Variants in ASIC2 observed in about 807,000 individuals in gnomAD.
The protein encoded by ASIC2 is acid sensing ion channel subunit 2.
Under a neutral mutation model 57.3 loss-of-function variants are expected in ASIC2, and 25 were observed. The observed-to-expected ratio is 0.44, with a 90% CI of 0.32 to 0.61. The LOEUF (loss-of-function observed/expected upper bound fraction) is 0.61. Ranked by LOEUF, ASIC2 falls within the 20% of genes least tolerant of loss-of-function variation. ASIC2 has a pLI of 0.06. For missense variants in ASIC2, 641 were observed against 738.1 expected, an observed-to-expected ratio of 0.87 and a Z score of 1.52; for synonymous variants, 319 against 307.5, an observed-to-expected ratio of 1.04 and a Z score of -0.39.
chr17:33,844,578 C>T (rs1209527126), intron 1 of ASIC2, among the ~76,000 whole-genome samples: 4 of 152,272 alleles, frequency 2.6e-5, no homozygotes, highest in Admixed American at 2.6e-4. Context: ...GTCAGGTGAG[C>T]ATATGAAAAC....
chr17:34,043,432 C>T (rs1428816352), intron 1 of ASIC2, among the ~76,000 whole-genome samples: 2 of 152,150 alleles, frequency 1.3e-5, no homozygotes, highest in Non-Finnish European at 2.9e-5. Context: ...CAAAAGAGGT[C>T]TAAGGCTGTG....
chr17:33,785,672 G>C lies in ASIC2; in HGVS notation c.555+370306C>G, dbSNP rs149135979. ...CTAGTCACATGTGATTTTGAAAGTG[G>C]TACTTGAGTCATCAATATTCTCACT... On this transcript the variant is annotated intron_variant, in intron 1 of 9. Coordinates refer to the ASIC2 transcript ENST00000359872. Among the ~76,000 whole-genome samples the C allele has an allele frequency of 4.9e-4, 75 of 152,230 alleles. 2 individuals carry two copies. In the East Asian group the frequency reaches 0.014, roughly 28 times the overall value.
intron 1 of ASIC2, among the ~76,000 whole-genome samples, chr17:33,628,559 G>A (rs1315346523): frequency 1.3e-5 from 2 of 152,074 alleles, no homozygotes; most frequent in East Asian, 1.9e-4. Context: ...ACCTCCCAAG[G>A]TATGAGGGTT....
chr17:33,201,236 G>A (rs1371616780), intron 1 of ASIC2, among the ~76,000 whole-genome samples: 1 of 152,198 alleles, frequency 6.6e-6, no homozygotes, highest in African/African-American at 2.4e-5. Context: ...TGTGTCCTCT[G>A]TTCCTACAGC....
intron 1 of ASIC2, among the ~76,000 whole-genome samples, chr17:33,995,726 TACC>T (rs1341201591): frequency 6.6e-6 from 1 of 152,048 alleles, no homozygotes; most frequent in Admixed American, 6.6e-5. Context: ...ATAAATAAAA[TACC>T]ACATTTTCTT....
intron 1 of ASIC2, among the ~76,000 whole-genome samples, chr17:33,203,207 C>T (rs1030471872): frequency 6.6e-6 from 1 of 152,220 alleles, no homozygotes; most frequent in African/African-American, 2.4e-5. Context: ...TCAGAAGCAG[C>T]CCGAAGGCAG....
chr17:33,553,370 C>T (rs947869529), intron 1 of ASIC2, among the ~76,000 whole-genome samples: 3 of 120,050 alleles, frequency 2.5e-5, no homozygotes, highest in Non-Finnish European at 5.0e-5. Flanking sequence ...GACCCCAAGA[C>T]AACAGGTGTC....
At chr17:34,033,421 T>C (rs1052212481) in intron 1 of ASIC2, among the ~76,000 whole-genome samples, 11 of 151,792 alleles carry the variant, frequency 7.2e-5, no homozygotes, top group East Asian at 1.9e-4. Context: ...AGGAAAGATA[T>C]AAAATTGACA....
chr17:33,036,003 A>C (rs2091907325), intron 3 of ASIC2, among the ~76,000 whole-genome samples: 1 of 152,182 alleles, frequency 6.6e-6, no homozygotes, highest in Non-Finnish European at 1.5e-5. Flanking sequence ...TCAAGGGAGA[A>C]CTCAGGTAAA....
chr17:33,943,702 A>AG (rs201230574), intron 1 of ASIC2, among the ~76,000 whole-genome samples: 1,857 of 151,948 alleles, frequency 0.012, 46 homozygotes, highest in African/African-American at 0.043. Context: ...TAAAAAAAAA[A>AG]AAAAAAAAAA....
intron 1 of ASIC2, among the ~76,000 whole-genome samples, chr17:33,896,224 C>G (rs1915092104): frequency 6.6e-6 from 1 of 152,248 alleles, no homozygotes; most frequent in Non-Finnish European, 1.5e-5. Flanking sequence ...AGCCTGACTT[C>G]AGGCCAAGGA....
At chr17:33,369,773 C>T (rs569357211) in intron 1 of ASIC2, among the ~76,000 whole-genome samples, 34 of 152,270 alleles carry the variant, frequency 2.2e-4, no homozygotes, top group African/African-American at 7.9e-4. Flanking sequence ...AATATTCTTT[C>T]CATTAGAGCA....
At chr17:33,771,211 G>A (rs774424678) in intron 1 of ASIC2, among the ~76,000 whole-genome samples, 7 of 152,162 alleles carry the variant, frequency 4.6e-5, no homozygotes, top group Admixed American at 1.3e-4. Context: ...TCTGTGCTGA[G>A]AATAAGAAAA....
At chr17:33,876,600 T>A (rs999925070) in intron 1 of ASIC2, among the ~76,000 whole-genome samples, 22 of 152,278 alleles carry the variant, frequency 1.4e-4, no homozygotes, top group African/African-American at 5.3e-4. Context: ...ATTTTATAAA[T>A]AAGGAAAATA....
At chr17:33,077,487 A>G (rs980159708) in intron 3 of ASIC2, among the ~76,000 whole-genome samples, 1 of 152,228 alleles carries the variant, frequency 6.6e-6, no homozygotes, top group African/African-American at 2.4e-5. Context: ...GTTATTAGGT[A>G]AAGTTATATT....
chr17:34,093,242 C>T (rs1322575115), intron 1 of ASIC2, among the ~76,000 whole-genome samples: 4 of 152,170 alleles, frequency 2.6e-5, no homozygotes, highest in African/African-American at 4.8e-5. Context: ...CCTTTTCTAG[C>T]TCACACCTTT....
chr17:33,016,700 CA>C (rs1308019781), intron 8 of ASIC2, among the ~76,000 whole-genome samples: 1 of 152,054 alleles, frequency 6.6e-6, no homozygotes, highest in East Asian at 1.9e-4. Context: ...TGGTTCCGAG[CA>C]GCCTTTGGTC....
intron 1 of ASIC2, among the ~76,000 whole-genome samples, chr17:33,898,131 A>ATTTCTT (rs1184292694): frequency 7.0e-6 from 1 of 142,556 alleles, no homozygotes; most frequent in Non-Finnish European, 1.5e-5. Context: ...CTCTGCCCAT[A>ATTTCTT]TTTCTTTCTT....
At chr17:33,994,959 C>A (rs1167759310) in intron 1 of ASIC2, among the ~76,000 whole-genome samples, 1 of 152,146 alleles carries the variant, frequency 6.6e-6, no homozygotes, top group Non-Finnish European at 1.5e-5. Context: ...TGTATGATTT[C>A]AACTTTTCAC....
Sources: gnomAD v4.1 joint callset for allele counts (sites outside exome capture counted in the v4.1 genomes callset) on GRCh38, gnomAD v4.1.1 for gene constraint, MANE v1.5 for transcripts, NCBI Gene and HGNC (gene_info 2026-07-23, HGNC 2026-07-21) for gene names.